Variants in LARP4B observed in about 807,000 individuals in gnomAD.
LARP4B encodes La ribonucleoprotein 4B.
In LARP4B, 12 loss-of-function variants were observed where a neutral mutation model predicts 89.8. The ratio of observed to expected loss-of-function variants is 0.13; its 90% CI spans 0.09 to 0.22. The LOEUF (loss-of-function observed/expected upper bound fraction) is 0.22. Ranked by LOEUF, LARP4B falls within the 10% of genes least tolerant of loss-of-function variation. The pLI is 1.00. For synonymous variants in LARP4B, 367 were observed against 363.3 expected (o/e 1.01, Z -0.12); for missense variants, 757 against 947.7 (o/e 0.80, Z 2.64).
At chr10:979,276 C>A in the LARP4B span, among the ~76,000 whole-genome samples, 1 of 152,112 alleles carries the variant, frequency 6.6e-6, no homozygotes, top group Non-Finnish European at 1.5e-5. Context: ...TGCTTAAGTT[C>A]AGTGTTGTGT....
chr10:861,511 ATAGTTT>A (rs1834616171), intron 5 of LARP4B, among the ~76,000 whole-genome samples: 1 of 152,166 alleles, frequency 6.6e-6, no homozygotes, highest in Non-Finnish European at 1.5e-5. Flanking sequence ...CTTTTTGAAA[ATAGTTT>A]TAAATACCCC....
Position 899,355 on chromosome 10 carries a change from A to G in LARP4B, c.-39-13595T>C, listed in dbSNP as rs114388836. On this transcript the variant is annotated intron_variant, in intron 1 of 17. Coordinates refer to ENST00000316157, the MANE Select transcript of LARP4B (RefSeq NM_015155.3). ...TAAAACCTCTCTCCTGAATCTAAAA[A>G]CATTATTCTGAAGTCAGGAACTCCC... Among the ~76,000 whole-genome samples the G allele has an allele frequency of 1.5e-3, 236 of 152,270 alleles. 1 individual carries two copies. Among genetic ancestry groups the G allele is most frequent in the African/African-American group, 5.4e-3 (224 of 41,568 alleles).
At chr10:815,122 C>A (rs1831965170) in intron 15 of LARP4B, 52 bp from the exon 16 acceptor site, 2 of 1,505,536 alleles carry the variant, frequency 1.3e-6, no homozygotes, top group African/African-American at 2.8e-5. Context: ...CTAAGCGGAG[C>A]TGGTACCAGT....
At chr10:970,053 G>T in the LARP4B span, among the ~76,000 whole-genome samples, 1 of 152,202 alleles carries the variant, frequency 6.6e-6, no homozygotes, top group Admixed American at 6.5e-5. Context: ...TCCCAGGGCC[G>T]TCGGGCAGTG....
intron 17 of LARP4B, 90 bp from the exon 18 acceptor site, chr10:813,303 T>C: frequency 1.5e-6 from 2 of 1,311,416 alleles, no homozygotes; most frequent in Non-Finnish European, 1.0e-6. Flanking sequence ...AAAAGAGTTT[T>C]CAACTGTAAC....
chr10:824,646 T>G (rs1164014726), intron 13 of LARP4B, among the ~76,000 whole-genome samples: 1 of 152,250 alleles, frequency 6.6e-6, no homozygotes, highest in African/African-American at 2.4e-5. Context: ...ACTGCAATGC[T>G]GATCTGCCTG....
At chr10:910,489 T>G (rs574093847) in intron 1 of LARP4B, among the ~76,000 whole-genome samples, 22 of 152,182 alleles carry the variant, frequency 1.4e-4, no homozygotes, top group South Asian at 1.0e-3. Flanking sequence ...ATGTGGTGTT[T>G]TGTGTGAGGT....
chr10:928,229 GAA>G (rs59234664), intron 1 of LARP4B, among the ~76,000 whole-genome samples: 4 of 100,156 alleles, frequency 4.0e-5, no homozygotes, highest in African/African-American at 1.1e-4. Context: ...CCTCAGGAAA[GAA>G]AAAAAAAAAA....
At chr10:930,871 G>C (rs1404825949) in intron 1 of LARP4B, among the ~76,000 whole-genome samples, 7 of 151,752 alleles carry the variant, frequency 4.6e-5, no homozygotes, top group Non-Finnish European at 8.8e-5. Context: ...CGCCTATCCG[G>C]GCTCCGGCGG....
At chr10:839,104 G>T (rs1386732495) in intron 7 of LARP4B, among the ~76,000 whole-genome samples, 1 of 152,212 alleles carries the variant, frequency 6.6e-6, no homozygotes, top group Non-Finnish European at 1.5e-5. Context: ...TCCAGTGACT[G>T]GGGGAGGCAG....
chr10:918,434 A>C (rs1464995434), intron 1 of LARP4B, among the ~76,000 whole-genome samples: 1 of 152,084 alleles, frequency 6.6e-6, no homozygotes, highest in Non-Finnish European at 1.5e-5. Flanking sequence ...GGAGTTTGAG[A>C]CCAGCCTGTG....
At chr10:879,422 A>G (rs1265013751) in intron 3 of LARP4B, among the ~76,000 whole-genome samples, 2 of 152,266 alleles carry the variant, frequency 1.3e-5, no homozygotes, top group Admixed American at 6.5e-5. Flanking sequence ...GCAGCTTTAC[A>G]CTTCCTGACA....
At chr10:915,326 T>C (rs959849344) in intron 1 of LARP4B, among the ~76,000 whole-genome samples, 2 of 152,120 alleles carry the variant, frequency 1.3e-5, no homozygotes, top group African/African-American at 4.8e-5. Flanking sequence ...GACAATATAC[T>C]GATGCAAAGG....
chr10:943,934 C>T, the LARP4B span, among the ~76,000 whole-genome samples: 11 of 151,906 alleles, frequency 7.2e-5, no homozygotes, highest in South Asian at 1.3e-3. Flanking sequence ...GCAGCCTCAG[C>T]GGGATGGGTG....
Position 814,849 on chromosome 10 carries a change from C to A in LARP4B, c.1822G>T (p.Asp608Tyr). The change falls in exon 17 of 18, where the codon GAT becomes TAT. Residue 608 changes from aspartate to tyrosine, a missense_variant and splice_region_variant. Around this residue, in one of 5 missense-constraint regions of LARP4B, gnomAD observed 387 missense variants for 423.6 expected, o/e 0.91. Coordinates refer to ENST00000316157, the MANE Select transcript of LARP4B (RefSeq NM_015155.3). The surrounding 1 kb of genome is among the most constrained non-coding windows in gnomAD (Gnocchi z 4.4). Reference protein sequence around the residue: ...RSPSPAHLPDDPKVAEKQRET... With the variant: ...RSPSPAHLPDYPKVAEKQRET... The stretch of plus-strand genomic sequence containing the variant: ...CTCTGTTTCTCCGCCACCTTGGGAT[C>A]ACTGTAAAAATGCCACCCGATATTT... 1 of 1,590,756 alleles carries A rather than the reference C, an allele frequency of 6.3e-7. No individual in the cohort carries two copies. Among genetic ancestry groups the A allele is most frequent in the Non-Finnish European group, 8.6e-7 (1 of 1,163,202 alleles).
chr10:846,341 G>A (rs1833777181), intron 5 of LARP4B, among the ~76,000 whole-genome samples: 1 of 152,190 alleles, frequency 6.6e-6, no homozygotes. Flanking sequence ...TCATGTCAGA[G>A]AGAAACGGAC....
At chr10:952,352 A>G in the LARP4B span, among the ~76,000 whole-genome samples, 1 of 149,184 alleles carries the variant, frequency 6.7e-6, no homozygotes, top group Non-Finnish European at 1.5e-5. Context: ...AAAAAAAAAA[A>G]AAAAAAAAAA....
At chr10:959,411 C>G in the LARP4B span, among the ~76,000 whole-genome samples, 2 of 113,958 alleles carry the variant, frequency 1.8e-5, no homozygotes, top group Admixed American at 8.7e-5. Flanking sequence ...ACCTCCCCAT[C>G]AATCCACCTC....
chr10:930,612 C>T (rs1837272211), intron 1 of LARP4B, among the ~76,000 whole-genome samples: 1 of 152,208 alleles, frequency 6.6e-6, no homozygotes. Context: ...CCCAAGCGCA[C>T]CCTGAGAGGC....
Sources: gnomAD v4.1 joint callset for allele counts (sites outside exome capture counted in the v4.1 genomes callset) on GRCh38, gnomAD v4.1.1 for gene constraint, gnomAD v4.1.1 regional missense constraint, Gnocchi (gnomAD v3.1) non-coding constraint, MANE v1.5 for transcripts, NCBI Gene and HGNC (gene_info 2026-07-23, HGNC 2026-07-21) for gene names.